SACS: variants seen among roughly 807,000 people sequenced by gnomAD.
The protein encoded by SACS is sacsin molecular chaperone, also known as sacsin.
SACS carries 197 observed loss-of-function variants against 348.0 expected under a neutral mutation model. The observed-to-expected ratio is 0.57, with a 90% CI of 0.50 to 0.64. The LOEUF (loss-of-function observed/expected upper bound fraction) is 0.64, where lower values mean the gene tolerates loss of function less well. Among genes scored for constraint, SACS ranks in the 30% least tolerant of loss-of-function variants. SACS has a pLI of 0.00. For missense variants in SACS, 4,999 were observed against 5,360.8 expected, an observed-to-expected ratio of 0.93 and a Z score of 2.11; for synonymous variants, 1,985 against 1,910.6, an observed-to-expected ratio of 1.04 and a Z score of -1.02.
intron 1 of SACS, chr13:23,427,220 T>G (rs902112445): frequency 6.6e-6 from 1 of 152,228 alleles, no homozygotes; most frequent in African/African-American, 2.4e-5. Flanking sequence ...CTACTTTTGC[T>G]GATCTAATAT....
At chr13:23,353,759 T>C (rs943494448) in intron 9 of SACS, 26 bp downstream of exon 9, 3 of 1,323,240 alleles carry the variant, frequency 2.3e-6, no homozygotes, top group East Asian at 2.3e-5. Flanking sequence ...TAGAAGTTTA[T>C]TTAAAAGAAT....
At chr13:23,360,445 A>G (rs1870660052) in intron 6 of SACS, among the ~76,000 whole-genome samples, 1 of 151,888 alleles carries the variant, frequency 6.6e-6, no homozygotes, top group Admixed American at 6.6e-5. Context: ...AGGCTCGAGA[A>G]TGAACCTCTT....
intron 2 of SACS, among the ~76,000 whole-genome samples, chr13:23,385,842 T>C (rs147565890): frequency 1.0e-3 from 154 of 152,362 alleles, no homozygotes; most frequent in Non-Finnish European, 1.4e-3. Context: ...GCAGAATGGA[T>C]GCTGTGTTAG....
chr13:23,429,962 C>G (rs1440523970), intron 1 of SACS, among the ~76,000 whole-genome samples: 1 of 152,064 alleles, frequency 6.6e-6, no homozygotes, highest in African/African-American at 2.4e-5. Context: ...AATCCCAGCA[C>G]TTTGGGAGGC....
intron 2 of SACS, 26 bp from the exon 3 acceptor site, chr13:23,375,295 T>G: frequency 7.1e-7 from 1 of 1,410,842 alleles, no homozygotes; most frequent in Non-Finnish European, 9.3e-7. Flanking sequence ...GGACGCTCAG[T>G]CGGGCTGCGG....
intron 9 of SACS, among the ~76,000 whole-genome samples, chr13:23,352,573 G>C (rs1365982814): frequency 2.0e-5 from 3 of 152,030 alleles, no homozygotes; most frequent in Non-Finnish European, 2.9e-5. Flanking sequence ...CTACATTTAT[G>C]ATATGTGCAC....
Position 23,353,896 on chromosome 13 carries a change from G to A in SACS, c.2094-20C>T. ...AGGGACCTGAAAAGGGAAAGGAACA[G>A]CAATCATCATAATCTTCCCACAATT... is the stretch of plus-strand genomic sequence containing the variant. On this transcript the variant is annotated intron_variant, in intron 8 of 9. Transcript: ENST00000382292. 5.3e-6 allele frequency: 7 copies of A among 1,313,776 alleles called. No individual in the cohort carries two copies. The highest frequency in any genetic ancestry group is 7.7e-6 in the Non-Finnish European group (7 of 906,078). 81.4% of individuals were successfully genotyped at this position (1,313,776 alleles called of 1,614,324 possible). A position where few individuals can be genotyped will look rare whatever the true frequency, so the allele number is the denominator to read the frequency against.
intron 2 of SACS, among the ~76,000 whole-genome samples, chr13:23,392,826 C>T (rs1872579493): frequency 6.6e-6 from 1 of 152,140 alleles, no homozygotes; most frequent in East Asian, 1.9e-4. Context: ...ATAGAAGGGA[C>T]AAGACAGGCC....
Position 23,334,130 on chromosome 13 carries a change from T to C in SACS, c.9746A>G (p.His3249Arg). Reference sequence around the variant, plus strand: ...CACACTTACAGATTCACTAATAAAATGCCATGCATTCTTAAGCCAAGACTC... The same window carrying C: ...CACACTTACAGATTCACTAATAAAACGCCATGCATTCTTAAGCCAAGACTC... ...ASESWLKNAWHFISESVSVKE... is the reference protein window; with the variant it reads ...ASESWLKNAWRFISESVSVKE... Residue 3249 changes from histidine to arginine, a missense_variant, in exon 10 of 10, where the codon CAT (histidine) becomes CGT (arginine). This residue lies in a region of SACS where 734 missense variants were observed against 694.0 expected (regional missense o/e 1.06). Coordinates refer to ENST00000382292, the MANE Select transcript of SACS (RefSeq NM_014363.6). 6.2e-7 allele frequency: 1 copy of C among 1,613,896 alleles called. No homozygotes were observed. Among genetic ancestry groups the C allele is most frequent in the Non-Finnish European group, 8.5e-7 (1 of 1,179,828 alleles).
intron 2 of SACS, among the ~76,000 whole-genome samples, chr13:23,381,101 T>C (rs1454135619): frequency 6.6e-6 from 1 of 152,206 alleles, no homozygotes; most frequent in Non-Finnish European, 1.5e-5. Flanking sequence ...AGATGGTTTG[T>C]AATTTGTCTA....
At chr13:23,395,535 C>T (rs1004102791) in intron 2 of SACS, among the ~76,000 whole-genome samples, 7 of 152,164 alleles carry the variant, frequency 4.6e-5, no homozygotes, top group Non-Finnish European at 1.0e-4. Context: ...TCTCCACCAT[C>T]CACCTGTCCA....
rs565127206 is a variant in SACS, at chr13:23,341,809, C to T, written c.2186-119G>A. ...TTTTTTTTTTTTTTTTTTTTTTTGA[C>T]GGAGTCTTGCTCTGTCGCCCAGGCT... On this transcript the variant is annotated intron_variant, in intron 9 of 9. Transcript: ENST00000382292. 1,330 of 676,368 alleles carry T rather than the reference C, an allele frequency of 2.0e-3. 2 individuals are homozygous for T. The highest frequency in any genetic ancestry group is 2.5e-3 in the Non-Finnish European group (1,112 of 452,494). 41.9% of individuals were successfully genotyped at this position (676,368 alleles called of 1,614,324 possible). A position where few individuals can be genotyped will look rare whatever the true frequency, so the allele number is the denominator to read the frequency against.
In SACS at chr13:23,336,332, A is replaced by C. The variant is rs1425351512; in HGVS notation, c.7544T>G (p.Phe2515Cys). 6.2e-7 allele frequency: 1 copy of C among 1,614,086 alleles called. No homozygotes were observed. Residue 2515 changes from phenylalanine (F) to cysteine (C), a missense_variant, in exon 10 of 10, where the codon TTT (phenylalanine) becomes TGT (cysteine). This residue lies in a region of SACS where 3,156 missense variants were observed against 3,380.1 expected (regional missense o/e 0.93). Coordinates refer to ENST00000382292, the MANE Select transcript of SACS (RefSeq NM_014363.6). ...ALERYASNVCFTTLGTEFGQK... is the reference protein window; with the variant it reads ...ALERYASNVCCTTLGTEFGQK... Reference sequence around the variant, plus strand: ...CCCAAATTCTGTGCCAAGTGTTGTAAAACAGACATTGGATGCATATCTTTC... The same window carrying C: ...CCCAAATTCTGTGCCAAGTGTTGTACAACAGACATTGGATGCATATCTTTC...
At chr13:23,356,544 C>A (rs545870347) in intron 7 of SACS, among the ~76,000 whole-genome samples, 34 of 152,228 alleles carry the variant, frequency 2.2e-4, no homozygotes, top group Non-Finnish European at 4.0e-4. Context: ...GGGAGCATCT[C>A]ACCACGTGGA....
chr13:23,400,866 T>C (rs1237524180), intron 2 of SACS, among the ~76,000 whole-genome samples: 1 of 152,218 alleles, frequency 6.6e-6, no homozygotes, highest in African/African-American at 2.4e-5. Context: ...ACAATTGACC[T>C]TGAGTTTTCC....
intron 1 of SACS, among the ~76,000 whole-genome samples, chr13:23,417,803 T>A (rs996316057): frequency 2.0e-5 from 3 of 152,076 alleles, no homozygotes; most frequent in Non-Finnish European, 4.4e-5. Context: ...GTGCGGTGGC[T>A]CACACCTGTA....
At position 23,330,640 on chromosome 13, in the gene SACS, T is replaced by C. The variant is rs1883407579; in HGVS notation, c.13236A>G (p.Arg4412=). The C allele has an allele frequency of 1.9e-6, 3 of 1,614,000 alleles. No homozygotes were observed. The South Asian group carries it at 3.3e-5, about 18-fold the overall frequency. The change falls in exon 10 of 10, where the codon AGA becomes AGG. Residue 4412 remains arginine, a synonymous_variant. Transcript: ENST00000382292. ...GGCATTTTTCTTTGTTCTGTTGCTG[T>C]CTTTCAGATTTATGGCTCGTTGCTT... ...NQEATSHKSE[R]QQQNKEKCPP...
Position 23,333,055 on chromosome 13 carries a change from G to T in SACS, c.10821C>A (p.Ile3607=), listed in dbSNP as rs113595574. The change falls in exon 10 of 10, where the codon ATC becomes ATA. Residue 3607 remains isoleucine, a synonymous_variant. Coordinates refer to ENST00000382292, the MANE Select transcript of SACS (RefSeq NM_014363.6). ...AGTTTTCTGTATTAGCCCTCACACT[G>T]ATTTCCTTAGCAAACTGTAACAACT... is the stretch of plus-strand genomic sequence containing the variant. ...QQQLLQFAKE[I]SVRANTENWS... 7.1e-4 allele frequency: 1,147 copies of T among 1,613,906 alleles called. 6 individuals carry two copies. In the African/African-American group the frequency reaches 0.014, roughly 20 times the overall value.
chr13:23,431,047 G>T (rs1042655921), intron 1 of SACS, among the ~76,000 whole-genome samples: 1 of 152,074 alleles, frequency 6.6e-6, no homozygotes, highest in African/African-American at 2.4e-5. Flanking sequence ...AAATACTTGG[G>T]GTTCTACTCT....
Sources: allele counts gnomAD v4.1 joint callset (sites outside exome capture counted in the v4.1 genomes callset), GRCh38; gene constraint gnomAD v4.1.1; regional missense constraint gnomAD v4.1.1; transcripts MANE v1.5; gene names NCBI Gene and HGNC (gene_info 2026-07-23, HGNC 2026-07-21).